Variants in TBC1D30 observed in about 807,000 individuals in gnomAD.
TBC1D30 encodes TBC1 domain family, member 30.
A neutral mutation model predicts 63.2 loss-of-function variants in TBC1D30; 31 were observed. The observed-to-expected ratio is 0.49, with a 90% confidence interval of 0.37 to 0.66. The LOEUF is 0.66. Among genes scored for constraint, TBC1D30 ranks in the 30% least tolerant of loss-of-function variants. The pLI, the probability that TBC1D30 is intolerant of heterozygous loss-of-function variation, is 0.00. For synonymous variants in TBC1D30, 307 were observed against 361.5 expected (o/e 0.85, Z 1.71); for missense variants, 810 against 953.6 (o/e 0.85, Z 1.98).
chr12:64,767,935 G>A (rs1052264644), intron 1 of TBC1D30, among the ~76,000 whole-genome samples: 1 of 152,064 alleles, frequency 6.6e-6, no homozygotes, highest in African/African-American at 2.4e-5. Flanking sequence ...TCTTACTAGT[G>A]AGAAAGAAGC....
upstream of TBC1D30, among the ~76,000 whole-genome samples, chr12:64,776,801 C>A (rs888954721): frequency 7.2e-5 from 11 of 152,162 alleles, no homozygotes; most frequent in Admixed American, 1.3e-4. Context: ...AGAGATACAA[C>A]AACTACAAAA....
rs1411017171 is a variant in TBC1D30, at chr12:64,870,778, C to G, written c.1468C>G (p.Gln490Glu). Residue 490 changes from glutamine (Q) to glutamate (E), a missense_variant, in exon 11 of 12, where the codon CAG becomes GAG. Physicochemically the swap from Gln to Glu is conservative, Grantham distance 29. Transcript: ENST00000539867. ...CTCTCGAATTAAAAAGAAGCAACAGCAGCAGGTTCATCAGGTGTACATCAG... is the reference window on the plus strand; with the variant it reads ...CTCTCGAATTAAAAAGAAGCAACAGGAGCAGGTTCATCAGGTGTACATCAG... ...QYSRIKKKQQ[Q>E]QVHQVYIRAD... 6.5e-7 allele frequency: 1 copy of G among 1,535,922 alleles called. No homozygotes were observed. The highest frequency in any genetic ancestry group is 8.7e-7 in the Non-Finnish European group (1 of 1,146,878).
intron 2 of TBC1D30, among the ~76,000 whole-genome samples, chr12:64,786,310 G>A (rs781117576): frequency 6.6e-5 from 10 of 151,366 alleles, no homozygotes; most frequent in Non-Finnish European, 1.3e-4. Flanking sequence ...AATGCTGAAT[G>A]ATGATTACAA....
intron 8 of TBC1D30, among the ~76,000 whole-genome samples, chr12:64,844,471 A>G (rs1210281394): frequency 6.6e-6 from 1 of 152,264 alleles, no homozygotes; most frequent in Non-Finnish European, 1.5e-5. Flanking sequence ...TAATAATCAT[A>G]TCAGGGTAAA....
chr12:64,815,295 C>T (rs917381431), intron 2 of TBC1D30, among the ~76,000 whole-genome samples: 1 of 152,078 alleles, frequency 6.6e-6, no homozygotes, highest in Non-Finnish European at 1.5e-5. Context: ...CTTTTTGGCT[C>T]ACATTTTTTT....
At chr12:64,838,562 A>G (rs1334924115) in intron 6 of TBC1D30, 121 bp from the exon 7 acceptor site, 11 of 981,824 alleles carry the variant, frequency 1.1e-5, no homozygotes, top group Admixed American at 5.6e-5. Context: ...GTTTAGAAAT[A>G]TGAAGAAATC....
At chr12:64,763,986 T>C (rs1439574146) in intron 1 of TBC1D30, among the ~76,000 whole-genome samples, 1 of 152,224 alleles carries the variant, frequency 6.6e-6, no homozygotes, top group Non-Finnish European at 1.5e-5. Context: ...TTATAATAGC[T>C]GTGTTAACAG....
chr12:64,844,122 T>C (rs142100570), intron 8 of TBC1D30, among the ~76,000 whole-genome samples: 481 of 152,284 alleles, frequency 3.2e-3, no homozygotes, highest in African/African-American at 0.011. Flanking sequence ...GAAACACTTA[T>C]TGTGGGGAAT....
intron 6 of TBC1D30, among the ~76,000 whole-genome samples, chr12:64,837,450 C>T (rs192647188): frequency 1.1e-4 from 16 of 151,470 alleles, no homozygotes; most frequent in East Asian, 1.9e-4. Context: ...GAGAAAGTGA[C>T]GGCTCATCAG....
At chr12:64,766,031 T>C (rs1171941719) in intron 1 of TBC1D30, among the ~76,000 whole-genome samples, 1 of 151,642 alleles carries the variant, frequency 6.6e-6, no homozygotes, top group Non-Finnish European at 1.5e-5. Context: ...TAAATACAAA[T>C]AGAATCTATA....
intron 11 of TBC1D30, among the ~76,000 whole-genome samples, chr12:64,873,985 T>G (rs1878852522): frequency 6.6e-6 from 1 of 152,226 alleles, no homozygotes; most frequent in Admixed American, 6.5e-5. Flanking sequence ...GCTGCCATCC[T>G]GGGACCATGT....
chr12:64,857,202 G>C (rs1460006133), intron 8 of TBC1D30, among the ~76,000 whole-genome samples: 1 of 152,046 alleles, frequency 6.6e-6, no homozygotes, highest in African/African-American at 2.4e-5. Context: ...AATATGCTGG[G>C]TCTCCCCTGA....
chr12:64,833,043 G>C (rs910266631), intron 5 of TBC1D30, among the ~76,000 whole-genome samples: 2 of 152,144 alleles, frequency 1.3e-5, no homozygotes, highest in African/African-American at 4.8e-5. Context: ...TCAAGGAGAA[G>C]GGCTCATACA....
chr12:64,821,907 T>C (rs1873910639), upstream of TBC1D30, among the ~76,000 whole-genome samples: 1 of 152,240 alleles, frequency 6.6e-6, no homozygotes, highest in Non-Finnish European at 1.5e-5. Context: ...AGTGATGCCT[T>C]TTCAAAGAGT....
intron 1 of TBC1D30, among the ~76,000 whole-genome samples, chr12:64,767,277 T>C (rs1180070800): frequency 2.0e-5 from 3 of 151,982 alleles, no homozygotes; most frequent in Non-Finnish European, 2.9e-5. Flanking sequence ...ATTAACAAAA[T>C]TGTCAAATCT....
intron 2 of TBC1D30, among the ~76,000 whole-genome samples, chr12:64,809,302 T>G (rs1277986053): frequency 6.8e-6 from 1 of 147,698 alleles, no homozygotes; most frequent in Non-Finnish European, 1.5e-5. Flanking sequence ...TCTTTTGCCT[T>G]TGTGTCCTCA....
At chr12:64,772,174 T>C (rs765290266) in intron 1 of TBC1D30, among the ~76,000 whole-genome samples, 8 of 145,612 alleles carry the variant, frequency 5.5e-5, no homozygotes, top group Non-Finnish European at 1.1e-4. Flanking sequence ...GAGGAGGAGG[T>C]TGTGGTGAGC....
intron 3 of TBC1D30, 108 bp from the exon 4 acceptor site, chr12:64,830,269 G>T: frequency 9.0e-7 from 1 of 1,112,358 alleles, no homozygotes; most frequent in East Asian, 2.6e-5. Flanking sequence ...TAGATAGCTG[G>T]TCTAGGGACA....
intron 2 of TBC1D30, among the ~76,000 whole-genome samples, chr12:64,786,480 C>T (rs541574490): frequency 4.7e-4 from 72 of 152,050 alleles, no homozygotes; most frequent in African/African-American, 1.4e-3. Flanking sequence ...TACAGGCGCC[C>T]GCCACCAGGC....
Sources: gnomAD v4.1 joint callset for allele counts (sites outside exome capture counted in the v4.1 genomes callset) on GRCh38, gnomAD v4.1.1 for gene constraint, MANE v1.5 for transcripts, NCBI Gene and HGNC (gene_info 2026-07-23, HGNC 2026-07-21) for gene names.